The following KLHL3 variants were observed in gnomAD, a reference collection of about 807,000 sequenced individuals.
The protein encoded by KLHL3 is kelch-like protein 3.
A neutral mutation model predicts 70.5 loss-of-function variants in KLHL3; 19 were observed. That is an observed-to-expected ratio of 0.27 (90% confidence interval 0.19 to 0.40). KLHL3 has a LOEUF of 0.40. Ranked by LOEUF, KLHL3 falls within the 10% of genes least tolerant of loss-of-function variation. The pLI, the probability that KLHL3 is intolerant of heterozygous loss-of-function variation, is 1.00. For synonymous variants in KLHL3, 258 were observed against 290.3 expected, an observed-to-expected ratio of 0.89 and a Z score of 1.13; for missense variants, 512 against 771.1, an observed-to-expected ratio of 0.66 and a Z score of 3.98.
chr5:137,722,484 G>A (rs1044875861), intron 1 of KLHL3, among the ~76,000 whole-genome samples: 1 of 152,158 alleles, frequency 6.6e-6, no homozygotes, highest in African/African-American at 2.4e-5. Context: ...AGAAAATGTG[G>A]CTTGAGACTT....
At chr5:137,624,921 C>T (rs1750417923) in intron 14 of KLHL3, among the ~76,000 whole-genome samples, 2 of 152,198 alleles carry the variant, frequency 1.3e-5, no homozygotes, top group African/African-American at 4.8e-5. Flanking sequence ...CTTCCACACC[C>T]GCCTGGTGCC....
At chr5:137,633,933 C>T in intron 12 of KLHL3, 104 bp downstream of exon 12, 2 of 1,453,004 alleles carry the variant, frequency 1.4e-6, no homozygotes, top group South Asian at 1.2e-5. Context: ...ATCCATGTAA[C>T]AAACCTGCAC....
At chr5:137,657,852 G>A (rs1751379952) in intron 8 of KLHL3, among the ~76,000 whole-genome samples, 1 of 152,206 alleles carries the variant, frequency 6.6e-6, no homozygotes, top group African/African-American at 2.4e-5. Flanking sequence ...GCCATGGTGT[G>A]AAATGAGAAG....
chr5:137,690,685 C>T (rs182255184), intron 5 of KLHL3, among the ~76,000 whole-genome samples: 2 of 152,252 alleles, frequency 1.3e-5, no homozygotes, highest in East Asian at 3.9e-4. Flanking sequence ...TCTGCAGGCT[C>T]CTGGGGTCAG....
intron 6 of KLHL3, among the ~76,000 whole-genome samples, chr5:137,669,423 A>G (rs1751695306): frequency 6.7e-6 from 1 of 150,132 alleles, no homozygotes; most frequent in Non-Finnish European, 1.5e-5. Context: ...GAATGTATGT[A>G]TGGTTCTCTT....
intron 1 of KLHL3, among the ~76,000 whole-genome samples, chr5:137,731,710 G>A (rs1753176638): frequency 6.6e-6 from 1 of 152,116 alleles, no homozygotes; most frequent in South Asian, 2.1e-4. Flanking sequence ...GGGCATCTCT[G>A]TGCTTCTGAT....
chr5:137,689,963 CAGAAGAAGGAGACAG>C (rs1222545687), intron 5 of KLHL3, among the ~76,000 whole-genome samples: 2 of 152,182 alleles, frequency 1.3e-5, no homozygotes, highest in African/African-American at 4.8e-5. Flanking sequence ...AGAGGAGACA[CAGAAGAAGGAGACAG>C]AATTTCTGAC....
chr5:137,703,699 T>C (rs1203917275), intron 3 of KLHL3, among the ~76,000 whole-genome samples: 1 of 152,132 alleles, frequency 6.6e-6, no homozygotes, highest in Admixed American at 6.5e-5. Context: ...ACAATGAGAT[T>C]GTGAAAGGTG....
chr5:137,659,747 T>C (rs959886410), intron 7 of KLHL3, among the ~76,000 whole-genome samples: 1 of 152,204 alleles, frequency 6.6e-6, no homozygotes, highest in Admixed American at 6.5e-5. Flanking sequence ...TGACAAAGTT[T>C]TGGAAATCTT....
chr5:137,662,875 G>A (rs1210783703), intron 6 of KLHL3, among the ~76,000 whole-genome samples: 1 of 152,096 alleles, frequency 6.6e-6, no homozygotes, highest in Non-Finnish European at 1.5e-5. Context: ...CACTTCTAGA[G>A]CTCTAGCTTA....
rs761275135 is a variant in KLHL3, at chr5:137,639,128, G to A, written c.1044C>T (p.His348=). ...CATTAAACCCTCCCACGGCATACAC[G>A]TGGCCAGCCATGAACACCACACCTG... The part of the protein sequence containing the change: ...CRAGVVFMAG[H]VYAVGGFNGS... Residue 348 remains histidine (H), a synonymous_variant, in exon 10 of 15, where the codon CAC becomes CAT. Transcript: ENST00000309755. The surrounding 1 kb of genome is among the most constrained non-coding windows in gnomAD (Gnocchi z 5.0). The A allele has an allele frequency of 1.2e-5, 20 of 1,613,544 alleles. No individual in the cohort carries two copies. In the African/African-American group the frequency reaches 1.3e-4, roughly 11 times the overall value.
At chr5:137,656,361 C>A (rs1261275412) in intron 8 of KLHL3, among the ~76,000 whole-genome samples, 1 of 152,116 alleles carries the variant, frequency 6.6e-6, no homozygotes, top group East Asian at 1.9e-4. Flanking sequence ...CAGTCTGTAC[C>A]ACATGGCTGC....
chr5:137,668,934 T>C (rs540555158), intron 6 of KLHL3, among the ~76,000 whole-genome samples: 2 of 150,108 alleles, frequency 1.3e-5, no homozygotes, highest in South Asian at 4.2e-4. Flanking sequence ...GGCTGAGCGA[T>C]GTCCTGGTCT....
intron 8 of KLHL3, among the ~76,000 whole-genome samples, chr5:137,651,433 AT>A (rs1751198598): frequency 6.6e-6 from 1 of 152,264 alleles, no homozygotes; most frequent in Admixed American, 6.5e-5. Context: ...GCAATAAACA[AT>A]TAGAAATTGG....
At chr5:137,723,000 T>C (rs1242533231) in intron 1 of KLHL3, among the ~76,000 whole-genome samples, 6 of 152,326 alleles carry the variant, frequency 3.9e-5, no homozygotes, top group East Asian at 1.9e-4. Context: ...GGATATGAAA[T>C]AGGGATCTAA....
At chr5:137,622,452 G>A (rs1436162679) in intron 14 of KLHL3, among the ~76,000 whole-genome samples, 1 of 152,198 alleles carries the variant, frequency 6.6e-6, no homozygotes, top group South Asian at 2.1e-4. Flanking sequence ...AGCGCCCAGG[G>A]GCAGCTATGC....
intron 1 of KLHL3, among the ~76,000 whole-genome samples, chr5:137,727,606 A>G (rs1420153160): frequency 4.6e-5 from 7 of 152,108 alleles, no homozygotes. Flanking sequence ...TCTCACTAGA[A>G]AACTGTTCTA....
intron 4 of KLHL3, among the ~76,000 whole-genome samples, chr5:137,693,626 A>G (rs73790035): frequency 0.023 from 3,447 of 152,272 alleles, 124 homozygotes; most frequent in African/African-American, 0.078. Flanking sequence ...TTTAGAAAAA[A>G]AATCACACTA....
intron 2 of KLHL3, among the ~76,000 whole-genome samples, chr5:137,715,408 T>G (rs1473094849): frequency 6.6e-6 from 1 of 152,196 alleles, no homozygotes; most frequent in African/African-American, 2.4e-5. Context: ...CAGGCCTCCA[T>G]AAGTATACCC....
Sources: gnomAD v4.1 joint callset for allele counts (sites outside exome capture counted in the v4.1 genomes callset) on GRCh38, gnomAD v4.1.1 for gene constraint, Gnocchi (gnomAD v3.1) non-coding constraint, MANE v1.5 for transcripts, NCBI Gene and HGNC (gene_info 2026-07-23, HGNC 2026-07-21) for gene names.